The following AGBL1 variants were observed in gnomAD, a reference collection of about 807,000 sequenced individuals.
AGBL1 encodes cytosolic carboxypeptidase 4.
Under a neutral mutation model 118.9 loss-of-function variants are expected in AGBL1, and 130 were observed. The ratio of observed to expected loss-of-function variants is 1.09; its 90% CI spans 0.95 to 1.26. The LOEUF (loss-of-function observed/expected upper bound fraction) is 1.26. Ranked by LOEUF, AGBL1 falls within the 50% of genes most tolerant of loss-of-function variation. The probability of loss-of-function intolerance (pLI) is 0.00; values close to 1 mark genes in which losing one functional copy is unlikely to be tolerated. For missense variants in AGBL1, 1,584 were observed against 1,298.1 expected (o/e 1.22, Z -3.38); for synonymous variants, 555 against 478.9 (o/e 1.16, Z -2.08).
Position 86,824,873 on chromosome 15 carries a change from C to A in AGBL1, c.3159-82214C>A, listed in dbSNP as rs545377429. Among the ~76,000 whole-genome samples, 130 of 152,082 alleles carry A rather than the reference C, an allele frequency of 8.5e-4. 1 individual carries two copies. Among genetic ancestry groups the A allele is most frequent in the South Asian group, 3.5e-3 (17 of 4,812 alleles). ...AGGAGTTCAAGAGCAGCCTGGCCAA[C>A]ATGGAAAAACACGATCTCTACTCAA... On this transcript the variant is annotated intron_variant, in intron 22 of 22. Coordinates refer to ENST00000614907, the MANE Select transcript of AGBL1 (RefSeq NM_001386094.1).
intron 22 of AGBL1, among the ~76,000 whole-genome samples, chr15:86,692,711 G>A (rs2086193553): frequency 6.6e-6 from 1 of 152,066 alleles, no homozygotes; most frequent in African/African-American, 2.4e-5. Context: ...CCCATCACCT[G>A]AGCAGTATAC....
chr15:86,812,647 A>C (rs958004418), intron 22 of AGBL1, among the ~76,000 whole-genome samples: 1 of 152,172 alleles, frequency 6.6e-6, no homozygotes, highest in African/African-American at 2.4e-5. Flanking sequence ...ATGTAAGTTC[A>C]TAGAGCACAG....
chr15:86,968,407 G>A (rs1167272730), intron 23 of AGBL1, among the ~76,000 whole-genome samples: 1 of 151,910 alleles, frequency 6.6e-6, no homozygotes, highest in East Asian at 1.9e-4. Flanking sequence ...CAAACATTAA[G>A]CTTTGATTGC....
At chr15:86,243,303 A>T (rs1015829774) in intron 6 of AGBL1, among the ~76,000 whole-genome samples, 1 of 152,214 alleles carries the variant, frequency 6.6e-6, no homozygotes, top group Admixed American at 6.5e-5. Flanking sequence ...AAGTGTAAAA[A>T]TCTGCATCAA....
At chr15:86,560,936 T>C (rs2083809256) in intron 21 of AGBL1, among the ~76,000 whole-genome samples, 1 of 152,258 alleles carries the variant, frequency 6.6e-6, no homozygotes, top group Admixed American at 6.5e-5. Context: ...CATAAATGTC[T>C]TCTTTTGAGA....
intron 23 of AGBL1, among the ~76,000 whole-genome samples, chr15:86,966,475 C>T (rs184200147): frequency 6.6e-6 from 1 of 152,000 alleles, no homozygotes; most frequent in Admixed American, 6.6e-5. Context: ...TCCCTCCCTG[C>T]TCCCACCACC....
intron 6 of AGBL1, among the ~76,000 whole-genome samples, chr15:86,239,521 T>G (rs2078607992): frequency 6.6e-6 from 1 of 152,128 alleles, no homozygotes; most frequent in Non-Finnish European, 1.5e-5. Context: ...CTCTCTTCAA[T>G]GGTGCCGCAC....
At chr15:86,944,761 G>A (rs894408747) in intron 23 of AGBL1, among the ~76,000 whole-genome samples, 18 of 152,056 alleles carry the variant, frequency 1.2e-4, no homozygotes, top group African/African-American at 3.9e-4. Context: ...AAAACAAGTA[G>A]AATTAATTAT....
At chr15:86,886,156 A>G (rs879920759) in intron 22 of AGBL1, among the ~76,000 whole-genome samples, 9 of 152,220 alleles carry the variant, frequency 5.9e-5, no homozygotes, top group Non-Finnish European at 1.2e-4. Context: ...CTCATACTTC[A>G]TATGAAGTAA....
intron 1 of AGBL1, among the ~76,000 whole-genome samples, chr15:86,132,623 A>G (rs758665166): frequency 6.6e-6 from 1 of 152,224 alleles, no homozygotes; most frequent in South Asian, 2.1e-4. Context: ...CCTGCTTTCC[A>G]ATCAGCATCA....
intron 22 of AGBL1, among the ~76,000 whole-genome samples, chr15:86,851,876 G>A (rs945051916): frequency 6.6e-6 from 1 of 152,174 alleles, no homozygotes; most frequent in Non-Finnish European, 1.5e-5. Flanking sequence ...GAGGTAGTGG[G>A]AAGTTCAGAC....
chr15:86,473,297 G>A (rs1277432810), intron 18 of AGBL1, among the ~76,000 whole-genome samples: 2 of 152,134 alleles, frequency 1.3e-5, no homozygotes, highest in Non-Finnish European at 2.9e-5. Context: ...CCCTCCCAGG[G>A]CCATTCTAAG....
intron 22 of AGBL1, among the ~76,000 whole-genome samples, chr15:86,681,078 C>T (rs1033568222): frequency 2.0e-5 from 3 of 152,030 alleles, no homozygotes; most frequent in African/African-American, 7.2e-5. Flanking sequence ...GTGATGCCAC[C>T]CCACGTCTTC....
At chr15:86,956,079 T>A (rs1215261028) in intron 23 of AGBL1, among the ~76,000 whole-genome samples, 1 of 152,086 alleles carries the variant, frequency 6.6e-6, no homozygotes, top group Non-Finnish European at 1.5e-5. Flanking sequence ...TTGTTGGTAG[T>A]AGCAAGAAAT....
At chr15:87,020,901 G>T (rs2081657981) in intron 24 of AGBL1, among the ~76,000 whole-genome samples, 1 of 152,012 alleles carries the variant, frequency 6.6e-6, no homozygotes, top group Non-Finnish European at 1.5e-5. Flanking sequence ...ACTCAATATT[G>T]TGAAAATGGC....
At chr15:86,091,912 A>G (rs991984490) in intron 1 of AGBL1, among the ~76,000 whole-genome samples, 17 of 152,232 alleles carry the variant, frequency 1.1e-4, no homozygotes, top group Admixed American at 9.8e-4. Flanking sequence ...AGTACCTTTG[A>G]TGGATCAACT....
intron 23 of AGBL1, among the ~76,000 whole-genome samples, chr15:86,947,925 G>C (rs539497974): frequency 6.6e-6 from 1 of 152,162 alleles, no homozygotes; most frequent in East Asian, 1.9e-4. Context: ...ACGGACATTA[G>C]GAGAAACATT....
intron 23 of AGBL1, among the ~76,000 whole-genome samples, chr15:86,968,115 A>G (rs2081072701): frequency 6.6e-6 from 1 of 151,850 alleles, no homozygotes; most frequent in Non-Finnish European, 1.5e-5. Context: ...CCCAACTTCA[A>G]AGGTGAGGAG....
chr15:86,208,032 G>C (rs2078024184), intron 5 of AGBL1, among the ~76,000 whole-genome samples: 1 of 151,918 alleles, frequency 6.6e-6, no homozygotes, highest in Non-Finnish European at 1.5e-5. Context: ...AGCATGAAAG[G>C]CTGTTGAATT....
Sources: gnomAD v4.1 joint callset for allele counts (sites outside exome capture counted in the v4.1 genomes callset) on GRCh38, gnomAD v4.1.1 for gene constraint, MANE v1.5 for transcripts, NCBI Gene and HGNC (gene_info 2026-07-23, HGNC 2026-07-21) for gene names.